The following CNTN6 variants were observed in gnomAD, a reference collection of about 807,000 sequenced individuals.
CNTN6 encodes the protein contactin-6.
In CNTN6, 137 loss-of-function variants were observed where a neutral mutation model predicts 122.8. The ratio of observed to expected loss-of-function variants is 1.12; its 90% CI spans 0.97 to 1.29. CNTN6 has a LOEUF of 1.29. CNTN6 is among the 50% of genes most tolerant of loss of function. The pLI is 0.00. For synonymous variants in CNTN6, 570 were observed against 426.0 expected (o/e 1.34, Z -4.16); for missense variants, 1,634 against 1,223.4 (o/e 1.34, Z -5.01).
intron 2 of CNTN6, among the ~76,000 whole-genome samples, chr3:1,152,460 T>C (rs552125379): frequency 6.6e-6 from 1 of 152,210 alleles, no homozygotes; most frequent in South Asian, 2.1e-4. Flanking sequence ...TATTTTTTAA[T>C]AAATACTGAA....
intron 1 of CNTN6, among the ~76,000 whole-genome samples, chr3:1,120,516 T>C (rs1311956481): frequency 2.6e-5 from 4 of 152,020 alleles, no homozygotes; most frequent in Non-Finnish European, 5.9e-5. Context: ...GAAAATATTT[T>C]GCCTATTTGC....
At chr3:1,116,645 G>A (rs1370712058) in intron 1 of CNTN6, among the ~76,000 whole-genome samples, 3 of 150,154 alleles carry the variant, frequency 2.0e-5, no homozygotes, top group Non-Finnish European at 3.0e-5. Context: ...CAAGAGGGTC[G>A]TATTGTTACC....
chr3:1,264,955 A>ATTTGGTATTTG (rs1312093335), intron 4 of CNTN6, among the ~76,000 whole-genome samples: 1 of 149,420 alleles, frequency 6.7e-6, no homozygotes, highest in East Asian at 2.0e-4. Flanking sequence ...GAGTGAGATC[A>ATTTGGTATTTG]TTTGGTATTT....
chr3:1,301,266 A>G (rs1022003475), intron 7 of CNTN6, among the ~76,000 whole-genome samples: 3 of 151,780 alleles, frequency 2.0e-5, no homozygotes, highest in Non-Finnish European at 4.4e-5. Flanking sequence ...CTAACTCCTG[A>G]CCTCCTGCTC....
chr3:1,297,931 C>T lies in CNTN6; in HGVS notation c.701C>T (p.Pro234Leu). The change falls in exon 7 of 23, where the codon CCT (proline) becomes CTT (leucine). Residue 234 changes from proline (P) to leucine (L), a missense_variant. Physicochemically the swap from Pro to Leu is moderately conservative, Grantham distance 98. Coordinates refer to ENST00000446702, the MANE Select transcript of CNTN6 (RefSeq NM_001289080.2). ...EYEPKIEVRF[P>L]ETIQAAKDSS... ...GAACCAAAGATTGAAGTGCGTTTTC[C>T]TGAAACTATACAAGCTGCAAAGGAT... The T allele has an allele frequency of 1.2e-6, 2 of 1,612,858 alleles. No individual in the cohort carries two copies.
intron 5 of CNTN6, among the ~76,000 whole-genome samples, chr3:1,285,548 T>A (rs1176046684): frequency 1.3e-5 from 2 of 152,226 alleles, no homozygotes; most frequent in Non-Finnish European, 2.9e-5. Flanking sequence ...GAATACTTAC[T>A]ATGTACTAGG....
chr3:1,391,679 C>A (rs1442627977), intron 20 of CNTN6, among the ~76,000 whole-genome samples: 6 of 150,888 alleles, frequency 4.0e-5, no homozygotes, highest in African/African-American at 1.5e-4. Flanking sequence ...CCAAAATCTC[C>A]TTAAGCTGAT....
intron 20 of CNTN6, among the ~76,000 whole-genome samples, chr3:1,390,676 G>C (rs1693992791): frequency 6.6e-6 from 1 of 151,738 alleles, no homozygotes; most frequent in African/African-American, 2.4e-5. Flanking sequence ...GACTAATAAA[G>C]AAAAAGAGAA....
chr3:1,400,993 C>G (rs77433537), intron 20 of CNTN6, among the ~76,000 whole-genome samples: 3,634 of 152,072 alleles, frequency 0.024, 183 homozygotes, highest in East Asian at 0.15. Context: ...AGTTAGAAAG[C>G]TAACTAATAC....
chr3:1,222,721 A>C (rs1447494369), intron 3 of CNTN6, among the ~76,000 whole-genome samples: 1 of 151,690 alleles, frequency 6.6e-6, no homozygotes, highest in Non-Finnish European at 1.5e-5. Flanking sequence ...TTTAACTTTT[A>C]AGTTCAGGGG....
intron 1 of CNTN6, among the ~76,000 whole-genome samples, chr3:1,136,511 G>A (rs184140606): frequency 6.6e-6 from 1 of 152,268 alleles, no homozygotes; most frequent in Non-Finnish European, 1.5e-5. Context: ...AATCCTGCAG[G>A]AAAGGAACTG....
In CNTN6 at chr3:1,321,743, G is replaced by A. The variant is rs773414799; in HGVS notation, c.855G>A (p.Pro285=). Residue 285 remains proline (P), a synonymous_variant, in exon 8 of 23, where the codon CCG becomes CCA. Coordinates refer to ENST00000446702, the MANE Select transcript of CNTN6 (RefSeq NM_001289080.2). ...YSKSQAILEI[P]NFQQEDEGFY... ...AATCCCAAGCTATCCTTGAAATCCC[G>A]AACTTCCAACAAGAAGATGAAGGCT... 6 of 1,611,674 alleles carry A rather than the reference G, an allele frequency of 3.7e-6. No homozygotes were observed. Among genetic ancestry groups the A allele is most frequent in the African/African-American group, 2.7e-5 (2 of 74,652 alleles).
At chr3:1,258,391 A>G (rs2094793317) in intron 4 of CNTN6, among the ~76,000 whole-genome samples, 2 of 152,118 alleles carry the variant, frequency 1.3e-5, no homozygotes, top group East Asian at 1.9e-4. Flanking sequence ...AAAAAGTGTC[A>G]AAGCTTAGCA....
chr3:1,344,393 A>G (rs1192727361), intron 11 of CNTN6, among the ~76,000 whole-genome samples: 3 of 152,178 alleles, frequency 2.0e-5, no homozygotes, highest in African/African-American at 7.2e-5. Context: ...TGTGGAAGGA[A>G]AGAAAAAGGG....
chr3:1,278,637 C>G (rs949570050), intron 5 of CNTN6, 129 bp downstream of exon 5: 3 of 552,300 alleles, frequency 5.4e-6, no homozygotes, highest in African/African-American at 1.9e-5. Context: ...TCAAGTGCAT[C>G]TACTGCATAC....
intron 4 of CNTN6, among the ~76,000 whole-genome samples, chr3:1,274,214 C>T (rs1168426023): frequency 6.6e-6 from 1 of 152,026 alleles, no homozygotes; most frequent in East Asian, 1.9e-4. Context: ...ATTCAGGAGT[C>T]ATATTTAAAC....
intron 12 of CNTN6, among the ~76,000 whole-genome samples, chr3:1,364,586 G>A (rs1365410459): frequency 6.6e-6 from 1 of 151,766 alleles, no homozygotes; most frequent in African/African-American, 2.4e-5. Flanking sequence ...CCATCCCCTT[G>A]CTTCTAAAAA....
At chr3:1,151,445 C>T (rs772729925) in intron 2 of CNTN6, among the ~76,000 whole-genome samples, 21 of 150,404 alleles carry the variant, frequency 1.4e-4, no homozygotes, top group Non-Finnish European at 2.9e-4. Context: ...ATTGTAATAA[C>T]GTTTTAAAAG....
At chr3:1,313,854 G>A (rs546682003) in intron 7 of CNTN6, among the ~76,000 whole-genome samples, 1 of 152,174 alleles carries the variant, frequency 6.6e-6, no homozygotes, top group Non-Finnish European at 1.5e-5. Flanking sequence ...GATGTCTGGT[G>A]AGGGCTGATC....
Sources: gnomAD v4.1 joint callset for allele counts (sites outside exome capture counted in the v4.1 genomes callset) on GRCh38, gnomAD v4.1.1 for gene constraint, MANE v1.5 for transcripts, NCBI Gene and HGNC (gene_info 2026-07-23, HGNC 2026-07-21) for gene names.